Variants in KHDRBS2 observed in about 807,000 individuals in gnomAD.
The protein encoded by KHDRBS2 is KH RNA binding domain containing, signal transduction associated 2, also known as KH domain-containing, RNA-binding, signal transduction-associated protein 2.
KHDRBS2 carries 26 observed loss-of-function variants against 44.3 expected under a neutral mutation model. The observed-to-expected ratio is 0.59, with a 90% confidence interval of 0.43 to 0.81. KHDRBS2 has a LOEUF of 0.81. Ranked by LOEUF, KHDRBS2 falls within the 40% of genes least tolerant of loss-of-function variation. The probability of loss-of-function intolerance (pLI) is 0.00; values close to 1 mark genes in which losing one functional copy is unlikely to be tolerated. For synonymous variants in KHDRBS2, 194 were observed against 151.1 expected, an observed-to-expected ratio of 1.28 and a Z score of -2.08; for missense variants, 476 against 433.1, an observed-to-expected ratio of 1.10 and a Z score of -0.88.
the KHDRBS2 span, chr6:61,652,242 T>A: frequency 6.6e-6 from 1 of 152,138 alleles, no homozygotes; most frequent in Non-Finnish European, 1.5e-5. Flanking sequence ...TAACAAATAT[T>A]TATGATACCT....
chr6:61,787,413 T>C (rs757492378), intron 6 of KHDRBS2, among the ~76,000 whole-genome samples: 2 of 151,790 alleles, frequency 1.3e-5, no homozygotes, highest in South Asian at 2.1e-4. Flanking sequence ...ATATGACAGA[T>C]ACTATTCTAC....
chr6:61,625,639 C>T, the KHDRBS2 span, among the ~76,000 whole-genome samples: 12 of 152,058 alleles, frequency 7.9e-5, no homozygotes, highest in South Asian at 2.1e-4. Context: ...ACTGTTCACC[C>T]TACCCAAGCT....
intron 6 of KHDRBS2, among the ~76,000 whole-genome samples, chr6:61,742,322 A>G (rs1281460930): frequency 1.3e-5 from 2 of 152,022 alleles, no homozygotes; most frequent in Non-Finnish European, 2.9e-5. Context: ...TTGTTACTAC[A>G]AAAGCACTTC....
In KHDRBS2 at chr6:61,978,222, A is replaced by G; in HGVS notation, c.337-10T>C. 1 of 1,597,196 alleles carries G rather than the reference A, an allele frequency of 6.3e-7. No individual in the cohort carries two copies. ...TCCTTAGTTCTTCTTCCTGTGAAAA[A>G]GGTTATTTTTAGAAATACAAATCCA... On this transcript the variant is annotated splice_polypyrimidine_tract_variant and intron_variant, in intron 3 of 8. Coordinates refer to ENST00000281156, the MANE Select transcript of KHDRBS2 (RefSeq NM_152688.4).
intron 2 of KHDRBS2, among the ~76,000 whole-genome samples, chr6:62,101,554 A>G (rs1425157871): frequency 6.6e-6 from 1 of 152,224 alleles, no homozygotes; most frequent in Non-Finnish European, 1.5e-5. Flanking sequence ...ACAGAGGCTC[A>G]GACAAGAGTG....
chr6:61,725,510 T>C (rs1773403902), intron 7 of KHDRBS2, among the ~76,000 whole-genome samples: 1 of 151,548 alleles, frequency 6.6e-6, no homozygotes, highest in African/African-American at 2.4e-5. Context: ...CAGGAGCTGG[T>C]TTTTTGAAAC....
chr6:61,625,476 T>A, the KHDRBS2 span, among the ~76,000 whole-genome samples: 1 of 151,448 alleles, frequency 6.6e-6, no homozygotes, highest in African/African-American at 2.4e-5. Context: ...GTTGCTACAT[T>A]TTTGGATGCA....
chr6:61,590,054 G>A, the KHDRBS2 span, among the ~76,000 whole-genome samples: 5 of 152,092 alleles, frequency 3.3e-5, no homozygotes, highest in Non-Finnish European at 7.4e-5. Flanking sequence ...AAAAAAAATA[G>A]CAGCCAAATA....
At chr6:62,086,132 T>G (rs1337696385) in intron 2 of KHDRBS2, among the ~76,000 whole-genome samples, 1 of 152,166 alleles carries the variant, frequency 6.6e-6, no homozygotes, top group Non-Finnish European at 1.5e-5. Flanking sequence ...CAATTCCATT[T>G]GCCAATTTTC....
At chr6:61,984,276 T>A (rs1774579944) in intron 3 of KHDRBS2, among the ~76,000 whole-genome samples, 1 of 152,208 alleles carries the variant, frequency 6.6e-6, no homozygotes, top group African/African-American at 2.4e-5. Context: ...TTAATCTTTT[T>A]GTTTCCCTTT....
intron 6 of KHDRBS2, among the ~76,000 whole-genome samples, chr6:61,840,656 C>G (rs1439356055): frequency 6.6e-6 from 1 of 152,100 alleles, no homozygotes; most frequent in Non-Finnish European, 1.5e-5. Flanking sequence ...ATTCAAGTGG[C>G]ATGTGTGATG....
chr6:61,797,724 T>TG (rs2127588091), intron 6 of KHDRBS2, among the ~76,000 whole-genome samples: 1 of 63,734 alleles, frequency 1.6e-5, no homozygotes, highest in East Asian at 3.6e-4. Context: ...AGTATGGTGT[T>TG]TTGTGTGTGT....
At chr6:62,126,863 A>G (rs1332790508) in intron 2 of KHDRBS2, among the ~76,000 whole-genome samples, 7 of 152,222 alleles carry the variant, frequency 4.6e-5, no homozygotes, top group Admixed American at 3.9e-4. Context: ...TTAGCTTTAG[A>G]ACCATGATTT....
At chr6:62,021,414 A>G (rs141525840) in intron 3 of KHDRBS2, among the ~76,000 whole-genome samples, 2,078 of 151,996 alleles carry the variant, frequency 0.014, 18 homozygotes, top group Non-Finnish European at 0.019. Flanking sequence ...TTAAAAGTTA[A>G]AAAAATAAAA....
At chr6:61,574,480 C>A in the KHDRBS2 span, 2 of 1,201,140 alleles carry the variant, frequency 1.7e-6, no homozygotes, top group Non-Finnish European at 2.2e-6. Context: ...AGGCTCTAAC[C>A]TACCAAACCT....
At chr6:62,053,942 A>T (rs999305444) in intron 2 of KHDRBS2, among the ~76,000 whole-genome samples, 16 of 151,998 alleles carry the variant, frequency 1.1e-4, no homozygotes, top group African/African-American at 3.6e-4. Context: ...TTTTTAAAGG[A>T]GATACCATTT....
chr6:61,671,254 G>A, the KHDRBS2 span, among the ~76,000 whole-genome samples: 1 of 151,532 alleles, frequency 6.6e-6, no homozygotes, highest in South Asian at 2.1e-4. Context: ...TTTTCTCCTG[G>A]GTATAGATCC....
rs543209845 is a variant in KHDRBS2 at position 62,097,029 on chromosome 6, A to G, written c.220-49035T>C. 4.0e-5 allele frequency among the ~76,000 whole-genome samples: 6 copies of G among 151,304 alleles called. No homozygotes were observed. The South Asian group carries it at 1.2e-3, about 31-fold the overall frequency. ...GAAGCATGTTTTTAAATTTCCATGTATTGGTATAGTTTCCTAAGTTCTTAT... is the reference window on the plus strand; with the variant it reads ...GAAGCATGTTTTTAAATTTCCATGTGTTGGTATAGTTTCCTAAGTTCTTAT... On this transcript the variant is annotated intron_variant, in intron 2 of 8. Transcript: ENST00000281156.
At chr6:61,733,306 C>T (rs960482236) in intron 6 of KHDRBS2, among the ~76,000 whole-genome samples, 12 of 152,042 alleles carry the variant, frequency 7.9e-5, no homozygotes, top group African/African-American at 2.9e-4. Context: ...ATAAAGACTT[C>T]GTGGCCGGGC....
Sources: gnomAD v4.1 joint callset for allele counts (sites outside exome capture counted in the v4.1 genomes callset) on GRCh38, gnomAD v4.1.1 for gene constraint, MANE v1.5 for transcripts, NCBI Gene and HGNC (gene_info 2026-07-23, HGNC 2026-07-21) for gene names.